Variants in PHACTR3 observed in about 807,000 individuals in gnomAD.
The protein encoded by PHACTR3 is phosphatase and actin regulator 3.
In PHACTR3, 16 loss-of-function variants were observed where a neutral mutation model predicts 66.8. That is an observed-to-expected ratio of 0.24 (90% CI 0.16 to 0.36). The LOEUF is 0.36. PHACTR3 is among the 10% of genes least tolerant of loss of function. The probability of loss-of-function intolerance (pLI) is 1.00; values close to 1 mark genes in which losing one functional copy is unlikely to be tolerated. For synonymous variants in PHACTR3, 323 were observed against 292.1 expected, an observed-to-expected ratio of 1.11 and a Z score of -1.08; for missense variants, 647 against 719.9, an observed-to-expected ratio of 0.90 and a Z score of 1.16.
intron 1 of PHACTR3, among the ~76,000 whole-genome samples, chr20:59,625,081 T>G (rs1241905117): frequency 6.6e-6 from 1 of 152,126 alleles, no homozygotes; most frequent in African/African-American, 2.4e-5. Flanking sequence ...GGAGCACCTG[T>G]AGGGTGTTCT....
chr20:59,718,412 A>G (rs1221881757), intron 1 of PHACTR3, among the ~76,000 whole-genome samples: 1 of 152,212 alleles, frequency 6.6e-6, no homozygotes, highest in Non-Finnish European at 1.5e-5. Context: ...GCTGGGCTCC[A>G]GCAAGACCCC....
intron 8 of PHACTR3, among the ~76,000 whole-genome samples, chr20:59,821,404 C>T (rs1307876202): frequency 6.6e-6 from 1 of 152,170 alleles, no homozygotes; most frequent in Non-Finnish European, 1.5e-5. Flanking sequence ...GCTGCAAAGG[C>T]ACCAGACATC....
chr20:59,739,252 TCAAA>T (rs1473770475), intron 1 of PHACTR3, among the ~76,000 whole-genome samples: 1 of 152,106 alleles, frequency 6.6e-6, no homozygotes, highest in Non-Finnish European at 1.5e-5. Context: ...GCCCAGAATG[TCAAA>T]CAAGACATTC....
At chr20:59,727,975 A>C (rs2038625566) in intron 1 of PHACTR3, among the ~76,000 whole-genome samples, 1 of 152,232 alleles carries the variant, frequency 6.6e-6, no homozygotes, top group Non-Finnish European at 1.5e-5. Context: ...TCTGGCACCA[A>C]ATACCCAATG....
chr20:59,642,831 T>G (rs1280567118), intron 1 of PHACTR3, among the ~76,000 whole-genome samples: 2 of 152,180 alleles, frequency 1.3e-5, no homozygotes, highest in African/African-American at 2.4e-5. Flanking sequence ...CTGCCAACAT[T>G]GGGGCGTTTG....
intron 1 of PHACTR3, among the ~76,000 whole-genome samples, chr20:59,605,731 C>T (rs78198662): frequency 0.01 from 1,579 of 152,302 alleles, 31 homozygotes; most frequent in African/African-American, 0.035. Flanking sequence ...GTGTGGACTC[C>T]GTCCACTCTT....
intron 8 of PHACTR3, among the ~76,000 whole-genome samples, chr20:59,833,726 G>A (rs2042450565): frequency 6.6e-6 from 1 of 152,166 alleles, no homozygotes; most frequent in African/African-American, 2.4e-5. Context: ...AAATACAAAT[G>A]GCTGGGGCCA....
chr20:59,830,045 A>G lies in PHACTR3; in HGVS notation c.1329-6460A>G, dbSNP rs1209485158. On this transcript the variant is annotated intron_variant, in intron 8 of 12. Transcript: ENST00000371015. This position sits in a 1 kb window ranked among gnomAD's most constrained non-coding sequence, Gnocchi z 5.8. The stretch of plus-strand genomic sequence containing the variant: ...CATGCAGGAAGGCAGTCAGCTGAGC[A>G]GTGTGTGCAGAGGACGATTCAGAAA... 6.6e-6 allele frequency among the ~76,000 whole-genome samples: 1 copy of G among 152,222 alleles called. No individual in the cohort carries two copies. Among genetic ancestry groups the G allele is most frequent in the Non-Finnish European group, 1.5e-5 (1 of 68,046 alleles).
intron 2 of PHACTR3, 85 bp from the exon 3 acceptor site, chr20:59,747,673 C>T (rs375438484): frequency 1.3e-6 from 2 of 1,498,152 alleles, no homozygotes; most frequent in African/African-American, 2.8e-5. Context: ...GGTCTGTAAA[C>T]TTGAGCCTGG....
chr20:59,841,316 A>G lies in PHACTR3; in HGVS notation c.1447-79A>G, dbSNP rs1373395317. On this transcript the variant is annotated intron_variant, in intron 10 of 12. Coordinates refer to ENST00000371015, the MANE Select transcript of PHACTR3 (RefSeq NM_080672.5). Reference sequence around the variant, plus strand: ...TTTTTGTTTTGTTTTGTTTTTTAAGAGAAGTGCTGTTTGTTCAGAGTACTT... The same window carrying G: ...TTTTTGTTTTGTTTTGTTTTTTAAGGGAAGTGCTGTTTGTTCAGAGTACTT... 7 of 1,391,312 alleles carry G rather than the reference A, an allele frequency of 5.0e-6. No individual in the cohort carries two copies. In the East Asian group the frequency reaches 1.4e-4, roughly 29 times the overall value. 86.2% of individuals were successfully genotyped at this position (1,391,312 alleles called of 1,614,324 possible).
intron 1 of PHACTR3, 35 bp from the exon 2 acceptor site, chr20:59,743,072 G>A: frequency 6.3e-7 from 1 of 1,597,792 alleles, no homozygotes. Context: ...AGGTTTGGTG[G>A]CCACTTGAGG....
rs900191371 is a variant in PHACTR3 at position 59,736,448 on chromosome 20, C to T, written c.119-6659C>T. 6.6e-6 allele frequency among the ~76,000 whole-genome samples: 1 copy of T among 152,112 alleles called. No homozygotes were observed. The highest frequency in any genetic ancestry group is 1.5e-5 in the Non-Finnish European group (1 of 68,004). On this transcript the variant is annotated intron_variant, in intron 1 of 12. Coordinates refer to ENST00000371015, the MANE Select transcript of PHACTR3 (RefSeq NM_080672.5). The surrounding 1 kb of genome is among the most constrained non-coding windows in gnomAD (Gnocchi z 4.6). Reference sequence around the variant, plus strand: ...TGGACAGGTGTGCATGGGCCACATGCACCCGCCCACAGATGGCATCCCACC... The same window carrying T: ...TGGACAGGTGTGCATGGGCCACATGTACCCGCCCACAGATGGCATCCCACC...
chr20:59,839,624 T>G (rs1039106441), intron 9 of PHACTR3, among the ~76,000 whole-genome samples: 1 of 152,210 alleles, frequency 6.6e-6, no homozygotes, highest in African/African-American at 2.4e-5. Flanking sequence ...TTACGTTTTA[T>G]ACTATATCTC....
chr20:59,747,636 C>T (rs942047233), intron 2 of PHACTR3, 122 bp from the exon 3 acceptor site: 24 of 1,137,350 alleles, frequency 2.1e-5, no homozygotes, highest in East Asian at 4.8e-5. Context: ...CCCCTAACCC[C>T]GAGGCGCCTG....
Position 59,671,491 on chromosome 20 carries a change from G to A in PHACTR3, c.118+66359G>A, listed in dbSNP as rs971018687. On this transcript the variant is annotated intron_variant, in intron 1 of 12. Transcript: ENST00000371015. The stretch of plus-strand genomic sequence containing the variant: ...ACCTGAGGTCAAAAACAGGTGGCCC[G>A]TGGGCCTAGGTCAGCCTGCAGACTT... 2.6e-4 allele frequency among the ~76,000 whole-genome samples: 40 copies of A among 152,358 alleles called. 1 individual carries two copies. Among genetic ancestry groups the A allele is most frequent in the African/African-American group, 8.4e-4 (35 of 41,594 alleles).
chr20:59,773,355 G>A lies in PHACTR3; in HGVS notation c.828G>A (p.Thr276=), dbSNP rs1193071566. The change falls in exon 6 of 13, where the codon ACG becomes ACA. Residue 276 remains threonine (T), a synonymous_variant. Coordinates refer to ENST00000371015, the MANE Select transcript of PHACTR3 (RefSeq NM_080672.5). The part of the protein sequence containing the change: ...PSLRGQLSTP[T]GSPHLTTVHR... ...TCCGGGGCCAGCTCTCCACACCCAC[G>A]GGGTCTCCGCATCTCACCACGGTCC... The A allele has an allele frequency of 6.2e-6, 10 of 1,614,018 alleles. No homozygotes were observed. Among genetic ancestry groups the A allele is most frequent in the South Asian group, 5.5e-5 (5 of 91,082 alleles).
At chr20:59,840,336 T>A in intron 9 of PHACTR3, 33 bp from the exon 10 acceptor site, 1 of 1,598,422 alleles carries the variant, frequency 6.3e-7, no homozygotes, top group Non-Finnish European at 8.5e-7. Context: ...TTTCTCTTTG[T>A]TATTTTTTTT....
At chr20:59,686,698 G>T (rs1436482072) in intron 1 of PHACTR3, among the ~76,000 whole-genome samples, 3 of 137,010 alleles carry the variant, frequency 2.2e-5, no homozygotes, top group African/African-American at 8.1e-5. Flanking sequence ...GATGATGATT[G>T]TGATGATGGT....
intron 1 of PHACTR3, among the ~76,000 whole-genome samples, chr20:59,711,457 A>C (rs1285666057): frequency 6.6e-6 from 1 of 152,200 alleles, no homozygotes; most frequent in Non-Finnish European, 1.5e-5. Context: ...TAAGAAATCA[A>C]CTACCAGTTT....
Sources: gnomAD v4.1 joint callset for allele counts (sites outside exome capture counted in the v4.1 genomes callset) on GRCh38, gnomAD v4.1.1 for gene constraint, Gnocchi (gnomAD v3.1) non-coding constraint, MANE v1.5 for transcripts, NCBI Gene and HGNC (gene_info 2026-07-23, HGNC 2026-07-21) for gene names.